C12orf56: variants seen among roughly 807,000 people sequenced by gnomAD.
The protein encoded by C12orf56 is chromosome 12 open reading frame 56, also known as uncharacterized protein C12orf56.
Under a neutral mutation model 69.9 loss-of-function variants are expected in C12orf56, and 71 were observed. That is an observed-to-expected ratio of 1.02 (90% CI 0.84 to 1.24). The LOEUF is 1.24. Ranked by LOEUF, C12orf56 falls within the 50% of genes most tolerant of loss-of-function variation. C12orf56 has a pLI of 0.00. For synonymous variants in C12orf56, 276 were observed against 274.1 expected (o/e 1.01, Z -0.07); for missense variants, 732 against 738.5 (o/e 0.99, Z 0.10).
At chr12:64,385,793 C>T (rs894404155) in intron 1 of C12orf56, among the ~76,000 whole-genome samples, 2 of 152,172 alleles carry the variant, frequency 1.3e-5, no homozygotes, top group African/African-American at 4.8e-5. Context: ...AATAATAAAA[C>T]TCCAGTCTCC....
At chr12:64,308,618 A>G (rs1465487998) in intron 5 of C12orf56, among the ~76,000 whole-genome samples, 3 of 151,528 alleles carry the variant, frequency 2.0e-5, no homozygotes, top group Non-Finnish European at 4.4e-5. Flanking sequence ...CAAGGCAGGC[A>G]GATCACCTGA....
intron 4 of C12orf56, among the ~76,000 whole-genome samples, chr12:64,314,937 CTTTTTTTTTTTTTT>C (rs534106623): frequency 9.0e-5 from 4 of 44,598 alleles, no homozygotes; most frequent in Non-Finnish European, 1.5e-4. Context: ...ATCCGGCCAG[CTTTTTTTTTTTTTT>C]TTTTTTTTTT....
intron 2 of C12orf56, among the ~76,000 whole-genome samples, chr12:64,340,686 A>G (rs1361489330): frequency 6.6e-6 from 1 of 152,230 alleles, no homozygotes. Context: ...ATGCACAAAC[A>G]TGTTTTTAAC....
intron 2 of C12orf56, among the ~76,000 whole-genome samples, chr12:64,343,924 C>T (rs1295179813): frequency 6.6e-6 from 1 of 152,114 alleles, no homozygotes; most frequent in East Asian, 1.9e-4. Flanking sequence ...ATGTCTATGC[C>T]AATTATGCTG....
chr12:64,305,458 C>G (rs1306475078), intron 5 of C12orf56, among the ~76,000 whole-genome samples: 1 of 152,028 alleles, frequency 6.6e-6, no homozygotes, highest in African/African-American at 2.4e-5. Flanking sequence ...CTTGGCTCAC[C>G]GCAACCTCCG....
chr12:64,279,958 C>T (rs1234917425), intron 8 of C12orf56, among the ~76,000 whole-genome samples: 2 of 152,004 alleles, frequency 1.3e-5, no homozygotes, highest in Non-Finnish European at 2.9e-5. Context: ...AAGTATCATA[C>T]ATCCAAAGCA....
intron 5 of C12orf56, among the ~76,000 whole-genome samples, chr12:64,308,959 G>GAAAGAAAGAAAGAAAGAAAGAAAGA (rs2038567861): frequency 9.1e-6 from 1 of 109,938 alleles, no homozygotes; most frequent in East Asian, 2.5e-4. Flanking sequence ...AAGAAAGAAA[G>GAAAGAAAGAAAGAAAGAAAGAAAGA]AAAGAAAGAA....
At chr12:64,336,912 T>A (rs2039004148) in intron 2 of C12orf56, among the ~76,000 whole-genome samples, 1 of 152,172 alleles carries the variant, frequency 6.6e-6, no homozygotes. Flanking sequence ...CTGTGTACCC[T>A]GCCCTGTCCA....
At chr12:64,389,474 C>T (rs557552938) in intron 1 of C12orf56, 1 of 152,310 alleles carries the variant, frequency 6.6e-6, no homozygotes, top group East Asian at 1.9e-4. Flanking sequence ...TCTGCTTATT[C>T]ATGCATTTAT....
At chr12:64,371,800 A>G (rs1280035218) in intron 1 of C12orf56, among the ~76,000 whole-genome samples, 1 of 152,154 alleles carries the variant, frequency 6.6e-6, no homozygotes, top group East Asian at 1.9e-4. Flanking sequence ...ATTGCACTCC[A>G]GCCTGGGTGA....
At chr12:64,321,152 A>G (rs1592451375) in intron 3 of C12orf56, among the ~76,000 whole-genome samples, 1 of 152,224 alleles carries the variant, frequency 6.6e-6, no homozygotes, top group East Asian at 1.9e-4. Context: ...CATAAGGTTT[A>G]TGTGAGGATA....
At chr12:64,276,114 T>C (rs1429184880) in intron 9 of C12orf56, among the ~76,000 whole-genome samples, 1 of 152,076 alleles carries the variant, frequency 6.6e-6, no homozygotes, top group African/African-American at 2.4e-5. Context: ...AGATACTTCA[T>C]TCCTCTCAAG....
At chr12:64,315,284 A>G (rs1331832480) in intron 4 of C12orf56, among the ~76,000 whole-genome samples, 2 of 140,966 alleles carry the variant, frequency 1.4e-5, no homozygotes, top group Non-Finnish European at 3.0e-5. Context: ...GCTTTTTCTT[A>G]CTACTTTTGT....
chr12:64,347,594 A>T (rs115198673), intron 2 of C12orf56, among the ~76,000 whole-genome samples: 1 of 151,988 alleles, frequency 6.6e-6, no homozygotes, highest in African/African-American at 2.4e-5. Context: ...CCTGTTTTCT[A>T]GAGACAGGGT....
intron 6 of C12orf56, among the ~76,000 whole-genome samples, chr12:64,300,849 G>A (rs1041015763): frequency 1.3e-5 from 2 of 152,246 alleles, no homozygotes; most frequent in African/African-American, 4.8e-5. Flanking sequence ...TTATCCAGAT[G>A]GTAGCCTGAT....
At chr12:64,355,497 G>GA (rs1401812865) in intron 1 of C12orf56, among the ~76,000 whole-genome samples, 4 of 152,000 alleles carry the variant, frequency 2.6e-5, no homozygotes, top group African/African-American at 7.2e-5. Context: ...CAAAAAATTA[G>GA]AAAAAATGTA....
chr12:64,299,591 A>T (rs879522812), intron 6 of C12orf56, among the ~76,000 whole-genome samples: 1 of 152,202 alleles, frequency 6.6e-6, no homozygotes, highest in Admixed American at 6.5e-5. Context: ...ATATGCATGC[A>T]TTGTGTTTTG....
At chr12:64,329,545 C>T (rs1304248617) in intron 3 of C12orf56, among the ~76,000 whole-genome samples, 1 of 150,532 alleles carries the variant, frequency 6.6e-6, no homozygotes, top group African/African-American at 2.4e-5. Context: ...TATTATTACA[C>T]TTTAAGTTTT....
intron 2 of C12orf56, chr12:64,338,210 A>G: frequency 1.7e-6 from 1 of 577,098 alleles, no homozygotes; most frequent in Non-Finnish European, 3.4e-6. Context: ...GCCCTGAACA[A>G]GCCCCCCGAC....
Sources: allele counts gnomAD v4.1 joint callset (sites outside exome capture counted in the v4.1 genomes callset), GRCh38; gene constraint gnomAD v4.1.1; transcripts MANE v1.5; gene names NCBI Gene and HGNC (gene_info 2026-07-23, HGNC 2026-07-21).